The following WWP2 variants were observed in gnomAD, a reference collection of about 807,000 sequenced individuals.
The protein encoded by WWP2 is WW domain containing E3 ubiquitin protein ligase 2, also known as NEDD4-like E3 ubiquitin-protein ligase WWP2.
WWP2 carries 57 observed loss-of-function variants against 121.0 expected under a neutral mutation model. That is an observed-to-expected ratio of 0.47 (90% CI 0.38 to 0.59). The LOEUF (loss-of-function observed/expected upper bound fraction) is 0.59, where lower values mean the gene tolerates loss of function less well. Ranked by LOEUF, WWP2 falls within the 20% of genes least tolerant of loss-of-function variation. WWP2 has a pLI of 0.00. For missense variants in WWP2, 962 were observed against 1,158.9 expected, an observed-to-expected ratio of 0.83 and a Z score of 2.47; for synonymous variants, 449 against 441.3, an observed-to-expected ratio of 1.02 and a Z score of -0.22.
intron 8 of WWP2, among the ~76,000 whole-genome samples, chr16:69,889,146 TACACAC>T (rs143311481): frequency 3.4e-5 from 5 of 146,236 alleles, no homozygotes; most frequent in East Asian, 2.0e-4. Context: ...ATATCCTGCC[TACACAC>T]ACACACACAC....
At chr16:69,809,714 G>A (rs1420197743) in intron 4 of WWP2, among the ~76,000 whole-genome samples, 1 of 152,104 alleles carries the variant, frequency 6.6e-6, no homozygotes, top group Non-Finnish European at 1.5e-5. Flanking sequence ...GTTGCAGTGA[G>A]CCGAGATTGC....
At chr16:69,831,258 A>G (rs1479936707) in intron 4 of WWP2, among the ~76,000 whole-genome samples, 1 of 152,238 alleles carries the variant, frequency 6.6e-6, no homozygotes, top group African/African-American at 2.4e-5. Flanking sequence ...GAACCAAAAG[A>G]AAACAGAACT....
intron 11 of WWP2, among the ~76,000 whole-genome samples, chr16:69,926,439 A>T (rs933130571): frequency 6.6e-6 from 1 of 152,152 alleles, no homozygotes; most frequent in Admixed American, 6.5e-5. Context: ...GACAACAAAG[A>T]TGGAGAGGTG....
intron 6 of WWP2, 130 bp from the exon 7 acceptor site, chr16:69,871,673 AC>A: frequency 1.5e-6 from 2 of 1,361,022 alleles, no homozygotes; most frequent in Non-Finnish European, 2.0e-6. Flanking sequence ...TTAGTCCAAA[AC>A]TAGAGGGGCT....
intron 6 of WWP2, among the ~76,000 whole-genome samples, chr16:69,860,363 G>A (rs74699651): frequency 0.053 from 8,012 of 152,206 alleles, 721 homozygotes; most frequent in African/African-American, 0.18. Flanking sequence ...ACTAGGTGCT[G>A]AGTCTCCAGA....
chr16:69,833,589 T>C (rs2056827953), intron 4 of WWP2, among the ~76,000 whole-genome samples: 1 of 152,236 alleles, frequency 6.6e-6, no homozygotes, highest in Non-Finnish European at 1.5e-5. Flanking sequence ...CTCCATAAAG[T>C]AGCATTAGAA....
intron 4 of WWP2, among the ~76,000 whole-genome samples, chr16:69,815,619 T>G (rs1171757499): frequency 6.6e-6 from 1 of 151,760 alleles, no homozygotes; most frequent in African/African-American, 2.4e-5. Context: ...AACCCCCGTC[T>G]CTACTAAAAA....
At chr16:69,931,962 C>A in intron 16 of WWP2, 72 bp downstream of exon 16, 1 of 1,395,852 alleles carries the variant, frequency 7.2e-7, no homozygotes. Flanking sequence ...GGCCAGAAAG[C>A]TGCCTGCCCC....
At chr16:69,874,585 C>T (rs988606497) in intron 7 of WWP2, among the ~76,000 whole-genome samples, 5 of 152,086 alleles carry the variant, frequency 3.3e-5, no homozygotes, top group Middle Eastern at 3.4e-3. Context: ...AATGGCAGCC[C>T]GTCTGTATAA....
At chr16:69,909,578 G>GTTTTCC (rs887992121) in intron 9 of WWP2, 1 of 985,348 alleles carries the variant, frequency 1.0e-6, no homozygotes, top group African/African-American at 1.7e-5. Context: ...GAATGCTTGA[G>GTTTTCC]TTTTCCTTTT....
intron 4 of WWP2, among the ~76,000 whole-genome samples, chr16:69,832,309 AACT>A: frequency 6.7e-6 from 1 of 150,040 alleles, no homozygotes; most frequent in Non-Finnish European, 1.5e-5. Context: ...TGTCTCATCT[AACT>A]TCCCATCCCA....
intron 8 of WWP2, among the ~76,000 whole-genome samples, chr16:69,894,765 A>G (rs1172638925): frequency 1.3e-5 from 2 of 152,152 alleles, no homozygotes; most frequent in Non-Finnish European, 2.9e-5. Context: ...CCCAGTGCTC[A>G]TTATCAATGA....
At chr16:69,811,438 C>T (rs899787979) in intron 4 of WWP2, among the ~76,000 whole-genome samples, 2 of 152,006 alleles carry the variant, frequency 1.3e-5, no homozygotes, top group Non-Finnish European at 2.9e-5. Context: ...GAGACCCATG[C>T]CACCCCTCCA....
intron 10 of WWP2, among the ~76,000 whole-genome samples, chr16:69,921,853 C>T (rs2058567231): frequency 1.3e-5 from 2 of 152,250 alleles, no homozygotes; most frequent in Non-Finnish European, 2.9e-5. Context: ...GCAGGCGGAT[C>T]ACTTGAGGTC....
intron 6 of WWP2, among the ~76,000 whole-genome samples, chr16:69,870,562 A>G (rs1272140799): frequency 6.6e-6 from 1 of 152,150 alleles, no homozygotes; most frequent in Non-Finnish European, 1.5e-5. Flanking sequence ...TGGCCTCCCA[A>G]AGTGTTAGGA....
intron 7 of WWP2, among the ~76,000 whole-genome samples, chr16:69,878,179 C>T (rs2151925429): frequency 6.6e-6 from 1 of 152,284 alleles, no homozygotes; most frequent in Non-Finnish European, 1.5e-5. Flanking sequence ...TATCAAAGAT[C>T]ACTGGTCACA....
chr16:69,898,417 C>G (rs1050268394), intron 8 of WWP2, among the ~76,000 whole-genome samples: 1 of 152,132 alleles, frequency 6.6e-6, no homozygotes, highest in Non-Finnish European at 1.5e-5. Context: ...ATCAAATTGC[C>G]TGAGTCACCT....
intron 2 of WWP2, among the ~76,000 whole-genome samples, chr16:69,793,678 A>C (rs2151804149): frequency 6.6e-6 from 1 of 151,070 alleles, no homozygotes; most frequent in East Asian, 1.9e-4. Context: ...CAGAAAGAAA[A>C]AATCTCAAAA....
At chr16:69,855,824 G>C (rs920718025) in intron 6 of WWP2, among the ~76,000 whole-genome samples, 16 of 152,240 alleles carry the variant, frequency 1.1e-4, no homozygotes, top group African/African-American at 3.6e-4. Flanking sequence ...CTGGTAAAGG[G>C]TGGTGCCAGA....
Sources: allele counts gnomAD v4.1 joint callset (sites outside exome capture counted in the v4.1 genomes callset), GRCh38; gene constraint gnomAD v4.1.1; transcripts MANE v1.5; gene names NCBI Gene and HGNC (gene_info 2026-07-23, HGNC 2026-07-21).